Variants in TANK observed in about 807,000 individuals in gnomAD.
The protein encoded by TANK is TRAF family member-associated NF-kappa-B activator.
In TANK, 15 loss-of-function variants were observed where a neutral mutation model predicts 43.6. The observed-to-expected ratio is 0.34, with a 90% CI of 0.23 to 0.53. The LOEUF (loss-of-function observed/expected upper bound fraction) is 0.53, where lower values mean the gene tolerates loss of function less well. Ranked by LOEUF, TANK falls within the 20% of genes least tolerant of loss-of-function variation. The pLI is 0.94. For missense variants in TANK, 417 were observed against 498.6 expected, an observed-to-expected ratio of 0.84 and a Z score of 1.56; for synonymous variants, 162 against 178.2, an observed-to-expected ratio of 0.91 and a Z score of 0.73.
chr2:161,210,692 C>G (rs1276869466), intron 4 of TANK, among the ~76,000 whole-genome samples: 2 of 144,480 alleles, frequency 1.4e-5, no homozygotes, highest in African/African-American at 5.1e-5. Flanking sequence ...AGTGAAACTC[C>G]GTCTAAAAAA....
chr2:161,163,181 T>G (rs769156635), intron 1 of TANK: 3 of 152,180 alleles, frequency 2.0e-5, no homozygotes, highest in Non-Finnish European at 4.4e-5. Context: ...TCCGCTCTGA[T>G]GTAGTTTAAA....
intron 1 of TANK, chr2:161,139,696 C>T (rs1466386890): frequency 1.4e-5 from 14 of 985,282 alleles, no homozygotes; most frequent in Non-Finnish European, 1.7e-5. Context: ...GACACCTCTT[C>T]TCTATTATTT....
chr2:161,229,943 G>T (rs1398103433), intron 6 of TANK, among the ~76,000 whole-genome samples: 1 of 152,084 alleles, frequency 6.6e-6, no homozygotes. Flanking sequence ...TTTGATGATT[G>T]TTTTTTTGTA....
upstream of TANK, among the ~76,000 whole-genome samples, chr2:161,155,465 A>G (rs1684199142): frequency 6.6e-6 from 1 of 152,212 alleles, no homozygotes; most frequent in African/African-American, 2.4e-5. Context: ...AGGGAAGCAT[A>G]TCTTCAATTG....
chr2:161,137,711 C>T (rs1683627417), intron 1 of TANK, among the ~76,000 whole-genome samples: 2 of 151,976 alleles, frequency 1.3e-5, no homozygotes, highest in South Asian at 2.1e-4. Context: ...TGGTGGCTCA[C>T]TCCTGTAATC....
At chr2:161,194,041 C>T (rs906420450) in intron 2 of TANK, among the ~76,000 whole-genome samples, 1 of 152,136 alleles carries the variant, frequency 6.6e-6, no homozygotes, top group Non-Finnish European at 1.5e-5. Context: ...TACCAAGTTA[C>T]TTGTCATCAA....
chr2:161,232,194 A>G (rs1057080752), intron 7 of TANK, among the ~76,000 whole-genome samples: 2 of 152,040 alleles, frequency 1.3e-5, no homozygotes, highest in Admixed American at 1.3e-4. Context: ...ATATCCCCCA[A>G]ACCACTCCTG....
At chr2:161,169,652 G>A (rs1684855678) in intron 1 of TANK, among the ~76,000 whole-genome samples, 1 of 152,088 alleles carries the variant, frequency 6.6e-6, no homozygotes, top group Non-Finnish European at 1.5e-5. Context: ...GGAAAGCAGA[G>A]GACTACTGTT....
chr2:161,183,469 AG>A (rs1463361774), intron 2 of TANK, among the ~76,000 whole-genome samples: 3 of 152,112 alleles, frequency 2.0e-5, no homozygotes, highest in Non-Finnish European at 4.4e-5. Flanking sequence ...TTTCTTCTAG[AG>A]GAGTATTAAG....
chr2:161,187,443 A>G (rs537862935), intron 2 of TANK, among the ~76,000 whole-genome samples: 10 of 152,242 alleles, frequency 6.6e-5, no homozygotes, highest in African/African-American at 2.4e-4. Flanking sequence ...ATAAAAGAAC[A>G]AAACAACAAA....
intron 4 of TANK, among the ~76,000 whole-genome samples, chr2:161,221,958 CCAAAGGAATCTTTTCTTGATAAATT>C (rs1382845503): frequency 6.6e-6 from 1 of 152,106 alleles, no homozygotes; most frequent in Non-Finnish European, 1.5e-5. Context: ...TGCCAATACA[CCAAAGGAATCTTTTCTTGATAAATT>C]CACCCACACT....
At chr2:161,201,865 G>A (rs767255411) in intron 2 of TANK, among the ~76,000 whole-genome samples, 6 of 152,162 alleles carry the variant, frequency 3.9e-5, no homozygotes, top group Non-Finnish European at 7.4e-5. Flanking sequence ...GTTCTGAGAC[G>A]TATTCATTGG....
intron 2 of TANK, among the ~76,000 whole-genome samples, chr2:161,190,285 A>G (rs1574010168): frequency 6.6e-6 from 1 of 152,204 alleles, no homozygotes; most frequent in African/African-American, 2.4e-5. Context: ...TGTGGCTGTT[A>G]TTCAAAAAAG....
intron 4 of TANK, chr2:161,207,774 A>G (rs1173681595): frequency 7.1e-6 from 7 of 985,292 alleles, no homozygotes; most frequent in South Asian, 4.7e-5. Flanking sequence ...GTTATATTCA[A>G]GCTTCTTCCA....
Position 161,235,752 on chromosome 2 carries a change from CTGTAATCCTTTGTA to C in TANK, c.*236_*249del. ...AAAACAAAAAAAATTCTGTATAAAACTGTAATCCTTTGTATTCATGTTTACAGTGCTATTACTAT... is the reference window on the plus strand; with the variant it reads ...AAAACAAAAAAAATTCTGTATAAAACTTCATGTTTACAGTGCTATTACTAT... On this transcript the variant is annotated 3_prime_UTR_variant, in exon 8 of 8. Coordinates refer to ENST00000392749, the MANE Select transcript of TANK (RefSeq NM_001199135.3). 1 of 335,786 alleles carries C rather than the reference CTGTAATCCTTTGTA, an allele frequency of 3.0e-6. No individual in the cohort carries two copies. The highest frequency in any genetic ancestry group is 5.4e-6 in the Non-Finnish European group (1 of 186,344). The allele number at this position is 335,786 out of a possible 1,614,324, so 20.8% of individuals were successfully genotyped here.
At chr2:161,146,653 A>G (rs1410109590) in intron 1 of TANK, among the ~76,000 whole-genome samples, 1 of 152,168 alleles carries the variant, frequency 6.6e-6, no homozygotes, top group African/African-American at 2.4e-5. Context: ...ACCTGGAGAC[A>G]TCACTCAAGG....
intron 2 of TANK, among the ~76,000 whole-genome samples, chr2:161,200,152 T>C (rs1686337528): frequency 6.6e-6 from 1 of 152,180 alleles, no homozygotes; most frequent in African/African-American, 2.4e-5. Context: ...CAAAAGCATC[T>C]TCTTTTCTGT....
chr2:161,178,285 A>C (rs1685256728), intron 1 of TANK, among the ~76,000 whole-genome samples: 1 of 152,160 alleles, frequency 6.6e-6, no homozygotes, highest in East Asian at 1.9e-4. Context: ...AGGAATAAAC[A>C]ACATGTTGCA....
At chr2:161,210,563 G>T (rs182767647) in intron 4 of TANK, among the ~76,000 whole-genome samples, 83 of 152,068 alleles carry the variant, frequency 5.5e-4, no homozygotes, top group Admixed American at 1.6e-3. Flanking sequence ...CGGGCGTGGT[G>T]GCAGGCACCT....
Sources: gnomAD v4.1 joint callset for allele counts (sites outside exome capture counted in the v4.1 genomes callset) on GRCh38, gnomAD v4.1.1 for gene constraint, MANE v1.5 for transcripts, NCBI Gene and HGNC (gene_info 2026-07-23, HGNC 2026-07-21) for gene names.